Variants in ARHGAP26 observed in about 807,000 individuals in gnomAD.
ARHGAP26 encodes rho GTPase-activating protein 26.
A neutral mutation model predicts 104.8 loss-of-function variants in ARHGAP26; 38 were observed. The ratio of observed to expected loss-of-function variants is 0.36; its 90% confidence interval spans 0.28 to 0.48. The LOEUF is 0.48. Ranked by LOEUF, ARHGAP26 falls within the 20% of genes least tolerant of loss-of-function variation. The pLI is 0.99. For synonymous variants in ARHGAP26, 341 were observed against 340.0 expected (o/e 1.00, Z -0.03); for missense variants, 704 against 947.9 (o/e 0.74, Z 3.38).
At chr5:142,881,030 A>G (rs1756922713) in intron 4 of ARHGAP26, among the ~76,000 whole-genome samples, 1 of 152,270 alleles carries the variant, frequency 6.6e-6, no homozygotes, top group Admixed American at 6.5e-5. Flanking sequence ...TATTCCACTA[A>G]GAATTCATAC....
intron 20 of ARHGAP26, among the ~76,000 whole-genome samples, chr5:143,167,263 T>A (rs1802091147): frequency 6.7e-6 from 1 of 149,610 alleles, no homozygotes; most frequent in Admixed American, 6.7e-5. Context: ...GGTCAAGAGT[T>A]TGAGACCAGC....
At chr5:142,945,986 C>T (rs866643776) in intron 11 of ARHGAP26, among the ~76,000 whole-genome samples, 10 of 152,298 alleles carry the variant, frequency 6.6e-5, no homozygotes, top group African/African-American at 2.2e-4. Context: ...GGAACATCAC[C>T]ACTAGCTGAT....
chr5:142,945,600 C>T (rs932791779), intron 11 of ARHGAP26, among the ~76,000 whole-genome samples: 5 of 152,150 alleles, frequency 3.3e-5, no homozygotes, highest in African/African-American at 1.2e-4. Flanking sequence ...TTTGGCAAGT[C>T]AAGAATTTAT....
intron 14 of ARHGAP26, among the ~76,000 whole-genome samples, chr5:143,042,530 G>A (rs1381057851): frequency 6.6e-6 from 1 of 152,190 alleles, no homozygotes; most frequent in East Asian, 1.9e-4. Context: ...TGCTTAGGCT[G>A]CAGATTTCCT....
intron 1 of ARHGAP26, among the ~76,000 whole-genome samples, chr5:142,855,283 T>C (rs1237007438): frequency 6.6e-6 from 1 of 152,222 alleles, no homozygotes; most frequent in Non-Finnish European, 1.5e-5. Flanking sequence ...GTTTTTCTAC[T>C]AAATGTTTAC....
At chr5:143,026,978 G>C (rs1411806786) in intron 12 of ARHGAP26, among the ~76,000 whole-genome samples, 2 of 152,034 alleles carry the variant, frequency 1.3e-5, no homozygotes, top group East Asian at 1.9e-4. Flanking sequence ...GATTGGATGT[G>C]GTGTGTGAAT....
intron 10 of ARHGAP26, among the ~76,000 whole-genome samples, chr5:142,931,632 C>G (rs1171711649): frequency 7.0e-6 from 1 of 143,096 alleles, no homozygotes; most frequent in Non-Finnish European, 1.5e-5. Context: ...GATATTTTCT[C>G]CTCTTTTTTT....
At chr5:142,922,689 G>A (rs758558107) in intron 10 of ARHGAP26, among the ~76,000 whole-genome samples, 2 of 152,118 alleles carry the variant, frequency 1.3e-5, no homozygotes, top group Admixed American at 6.5e-5. Context: ...TTAGGATGGT[G>A]CAGAAAAGAT....
chr5:142,835,496 A>G (rs1769373947), intron 1 of ARHGAP26, among the ~76,000 whole-genome samples: 1 of 152,218 alleles, frequency 6.6e-6, no homozygotes, highest in Admixed American at 6.5e-5. Context: ...CTGACATATT[A>G]CCCAGATAGA....
At chr5:142,850,441 A>G (rs2152258211) in intron 1 of ARHGAP26, among the ~76,000 whole-genome samples, 1 of 152,308 alleles carries the variant, frequency 6.6e-6, no homozygotes, top group Non-Finnish European at 1.5e-5. Context: ...AAACAACAAC[A>G]ACAACAACAA....
intron 10 of ARHGAP26, among the ~76,000 whole-genome samples, chr5:142,923,087 GT>G (rs3839208): frequency 8.1e-5 from 12 of 149,002 alleles, no homozygotes; most frequent in South Asian, 2.1e-4. Flanking sequence ...TTGTCATGGA[GT>G]TTTTTTTTTT....
At chr5:142,981,530 G>C (rs1773942170) in intron 11 of ARHGAP26, among the ~76,000 whole-genome samples, 1 of 152,164 alleles carries the variant, frequency 6.6e-6, no homozygotes. Context: ...TCCTAAATCT[G>C]TAAAGTCTGC....
intron 17 of ARHGAP26, among the ~76,000 whole-genome samples, chr5:143,079,218 A>C (rs187590107): frequency 6.6e-6 from 1 of 152,242 alleles, no homozygotes; most frequent in Non-Finnish European, 1.5e-5. Context: ...CAAAGGATCT[A>C]TAGAGTTGGG....
At chr5:142,990,580 C>T (rs547640656) in intron 11 of ARHGAP26, among the ~76,000 whole-genome samples, 46 of 152,298 alleles carry the variant, frequency 3.0e-4, no homozygotes, top group African/African-American at 9.9e-4. Flanking sequence ...TGGTTTCTCC[C>T]CATCTTTGTG....
At chr5:142,908,754 T>C (rs1046546051) in intron 9 of ARHGAP26, 3 of 167,156 alleles carry the variant, frequency 1.8e-5, no homozygotes, top group African/African-American at 7.2e-5. Flanking sequence ...TAGAAGGTGA[T>C]ATGTAGCTAT....
At chr5:143,159,007 G>T (rs1350133726) in intron 20 of ARHGAP26, among the ~76,000 whole-genome samples, 1 of 152,216 alleles carries the variant, frequency 6.6e-6, no homozygotes, top group Non-Finnish European at 1.5e-5. Flanking sequence ...TGGTGCCGAG[G>T]AATCACAAGA....
chr5:143,079,322 G>T (rs1371019266), intron 17 of ARHGAP26, among the ~76,000 whole-genome samples: 1 of 152,228 alleles, frequency 6.6e-6, no homozygotes, highest in Admixed American at 6.5e-5. Context: ...GAGACTGCTA[G>T]AGCAGAAACC....
chr5:143,184,524 T>C (rs1804857840), intron 20 of ARHGAP26, among the ~76,000 whole-genome samples: 1 of 152,190 alleles, frequency 6.6e-6, no homozygotes, highest in Non-Finnish European at 1.5e-5. Context: ...ATTCCCTTGC[T>C]ATAATTCAGT....
At chr5:142,873,140 C>A (rs1755567310) in intron 1 of ARHGAP26, among the ~76,000 whole-genome samples, 1 of 152,238 alleles carries the variant, frequency 6.6e-6, no homozygotes, top group African/African-American at 2.4e-5. Flanking sequence ...ACGGAGATGA[C>A]AAGTTGCCTT....
Sources: gnomAD v4.1 joint callset for allele counts (sites outside exome capture counted in the v4.1 genomes callset) on GRCh38, gnomAD v4.1.1 for gene constraint, MANE v1.5 for transcripts, NCBI Gene and HGNC (gene_info 2026-07-23, HGNC 2026-07-21) for gene names.